CTNNA2: variants seen among roughly 807,000 people sequenced by gnomAD.
The protein encoded by CTNNA2 is catenin alpha 2.
In CTNNA2, 42 loss-of-function variants were observed where a neutral mutation model predicts 101.0. That is an observed-to-expected ratio of 0.42 (90% confidence interval 0.32 to 0.54). The LOEUF (loss-of-function observed/expected upper bound fraction) is 0.54. CTNNA2 is among the 20% of genes least tolerant of loss of function. The pLI is 0.14. For missense variants in CTNNA2, 871 were observed against 1,223.1 expected, an observed-to-expected ratio of 0.71 and a Z score of 4.29; for synonymous variants, 450 against 456.4, an observed-to-expected ratio of 0.99 and a Z score of 0.18.
chr2:80,519,648 C>T (rs1442509363), intron 9 of CTNNA2, among the ~76,000 whole-genome samples: 1 of 152,206 alleles, frequency 6.6e-6, no homozygotes, highest in Admixed American at 6.5e-5. Flanking sequence ...CTGAATTCCA[C>T]GTCCTAGAAA....
chr2:79,823,517 C>CA (rs1048713192), intron 3 of CTNNA2, among the ~76,000 whole-genome samples: 2 of 150,748 alleles, frequency 1.3e-5, no homozygotes, highest in Admixed American at 6.6e-5. Context: ...GACCCCATCT[C>CA]AAAAAAAAGA....
chr2:80,319,314 TTTG>T (rs996603241), intron 7 of CTNNA2, among the ~76,000 whole-genome samples: 4 of 152,134 alleles, frequency 2.6e-5, no homozygotes, highest in African/African-American at 4.8e-5. Flanking sequence ...CCAGTTTTTT[TTTG>T]TTGTTGTTGT....
rs10176340 is a variant in CTNNA2 at position 79,546,291 on chromosome 2, A to G, written c.-6+33084A>G. ...AAGTTAGAGAATTTAGCATCCTTAAATTCTCAGGAACTTTTAAAACCATGT... is the reference window on the plus strand; with the variant it reads ...AAGTTAGAGAATTTAGCATCCTTAAGTTCTCAGGAACTTTTAAAACCATGT... On this transcript the variant is annotated intron_variant, in intron 1 of 18. Transcript: ENST00000402739. Among the ~76,000 whole-genome samples, 1,149 of 152,208 alleles carry G rather than the reference A, an allele frequency of 7.5e-3. 13 individuals carry two copies. The highest frequency in any genetic ancestry group is 0.023 in the African/African-American group (967 of 41,526).
chr2:79,414,776 G>A (rs1678459105), intron 4 of CTNNA2, among the ~76,000 whole-genome samples: 1 of 151,990 alleles, frequency 6.6e-6, no homozygotes, highest in South Asian at 2.1e-4. Flanking sequence ...AGAAAGGGAG[G>A]CCCAGCTGTT....
At chr2:80,613,072 A>AAATGTT (rs1698593359) in intron 17 of CTNNA2, 1 of 151,374 alleles carries the variant, frequency 6.6e-6, no homozygotes, top group African/African-American at 2.4e-5. Context: ...GTGACAAATG[A>AAATGTT]AATGAGTAGT....
chr2:80,415,704 C>G (rs1169588005), intron 8 of CTNNA2, among the ~76,000 whole-genome samples: 1 of 152,048 alleles, frequency 6.6e-6, no homozygotes, highest in Non-Finnish European at 1.5e-5. Flanking sequence ...GGAAATAAAT[C>G]AATATCTCAG....
intron 7 of CTNNA2, among the ~76,000 whole-genome samples, chr2:80,234,358 G>C (rs1229659886): frequency 6.6e-6 from 1 of 152,176 alleles, no homozygotes; most frequent in Non-Finnish European, 1.5e-5. Context: ...AAGCACAAAT[G>C]TTAGAAGGTA....
At chr2:80,078,654 C>T (rs1698918918) in intron 7 of CTNNA2, among the ~76,000 whole-genome samples, 1 of 152,170 alleles carries the variant, frequency 6.6e-6, no homozygotes, top group South Asian at 2.1e-4. Context: ...ACATTTGAGG[C>T]CTGGCCTCTT....
intron 7 of CTNNA2, among the ~76,000 whole-genome samples, chr2:80,178,006 T>G (rs1027410044): frequency 6.6e-6 from 1 of 152,222 alleles, no homozygotes; most frequent in Non-Finnish European, 1.5e-5. Context: ...CTGTCCACTT[T>G]CAGGTGGTGC....
chr2:79,448,622 T>G (rs1678857572), intron 4 of CTNNA2, among the ~76,000 whole-genome samples: 1 of 151,978 alleles, frequency 6.6e-6, no homozygotes, highest in African/African-American at 2.4e-5. Context: ...TCTGTGAGTT[T>G]TAGCATGGAG....
chr2:79,316,741 A>G (rs1676506560), intron 3 of CTNNA2, among the ~76,000 whole-genome samples: 1 of 151,910 alleles, frequency 6.6e-6, no homozygotes, highest in Non-Finnish European at 1.5e-5. Flanking sequence ...AAAGAAATAC[A>G]ACTGATATTT....
intron 2 of CTNNA2, among the ~76,000 whole-genome samples, chr2:79,714,647 TATCA>T (rs10527574): frequency 0.24 from 36,785 of 151,922 alleles, 5,958 homozygotes; most frequent in African/African-American, 0.47. Flanking sequence ...AGATTTTGAC[TATCA>T]ATCATCTTCA....
rs918008898 is a variant in CTNNA2 at position 80,161,326 on chromosome 2, CATT to C, written c.1057-231872_1057-231870del. ...CCCCCATGCACAGCCCTTAGCTTATCATTATTATTATTATTTTATATTTTCAGT... is the reference window on the plus strand; with the variant it reads ...CCCCCATGCACAGCCCTTAGCTTATCATTATTATTATTTTATATTTTCAGT... On this transcript the variant is annotated intron_variant, in intron 7 of 18. Coordinates refer to ENST00000402739, the MANE Select transcript of CTNNA2 (RefSeq NM_001282597.3). Among the ~76,000 whole-genome samples, 9 of 151,952 alleles carry C rather than the reference CATT, an allele frequency of 5.9e-5. No homozygotes were observed. In the East Asian group the frequency reaches 9.7e-4, roughly 16 times the overall value.
At chr2:79,917,762 T>C (rs1331800609) in intron 7 of CTNNA2, among the ~76,000 whole-genome samples, 1 of 152,186 alleles carries the variant, frequency 6.6e-6, no homozygotes, top group South Asian at 2.1e-4. Flanking sequence ...TGGGAGAATC[T>C]CCAGTCATGC....
At chr2:79,226,642 T>G (rs1204755710) in intron 2 of CTNNA2, among the ~76,000 whole-genome samples, 4 of 152,224 alleles carry the variant, frequency 2.6e-5, no homozygotes, top group Non-Finnish European at 5.9e-5. Context: ...ATTATTTCCC[T>G]TTTTAAAAAC....
chr2:80,604,945 T>G (rs570172775), intron 16 of CTNNA2, among the ~76,000 whole-genome samples: 12 of 152,072 alleles, frequency 7.9e-5, no homozygotes, highest in African/African-American at 2.4e-4. Context: ...AAACTAGAAC[T>G]TCACCTTTTC....
Position 80,647,876 on chromosome 2 carries a change from G to A in CTNNA2, c.*4G>A, listed in dbSNP as rs375801955. On this transcript the variant is annotated 3_prime_UTR_variant, in exon 19 of 19. Transcript: ENST00000402739. The stretch of plus-strand genomic sequence containing the variant: ...CAAAGCAATGGATTCCTTCTAGGAC[G>A]ATAGGTTTTAACAAGAAAGCTTTTT... The A allele has an allele frequency of 1.9e-5, 30 of 1,561,974 alleles. No individual in the cohort carries two copies. The highest frequency in any genetic ancestry group is 6.9e-5 in the African/African-American group (5 of 72,532).
intron 1 of CTNNA2, among the ~76,000 whole-genome samples, chr2:79,537,743 T>G (rs944968134): frequency 6.6e-6 from 1 of 151,832 alleles, no homozygotes; most frequent in Non-Finnish European, 1.5e-5. Context: ...GTCAGTTATA[T>G]TTGCATCCTA....
intron 9 of CTNNA2, among the ~76,000 whole-genome samples, chr2:80,440,725 A>G (rs989752748): frequency 2.0e-5 from 3 of 152,188 alleles, no homozygotes; most frequent in Non-Finnish European, 4.4e-5. Context: ...TGTGATCTAA[A>G]TGCTATGAAA....
Sources: allele counts gnomAD v4.1 joint callset (sites outside exome capture counted in the v4.1 genomes callset), GRCh38; gene constraint gnomAD v4.1.1; transcripts MANE v1.5; gene names NCBI Gene and HGNC (gene_info 2026-07-23, HGNC 2026-07-21).